Variants in TAFA2 observed in about 807,000 individuals in gnomAD.
The protein encoded by TAFA2 is chemokine-like protein TAFA-2.
In TAFA2, 7 loss-of-function variants were observed where a neutral mutation model predicts 18.8. The observed-to-expected ratio is 0.37, with a 90% CI of 0.21 to 0.70. The LOEUF (loss-of-function observed/expected upper bound fraction) is 0.70. Among genes scored for constraint, TAFA2 ranks in the 30% least tolerant of loss-of-function variants. TAFA2 has a pLI of 0.53. For missense variants in TAFA2, 122 were observed against 158.1 expected (o/e 0.77, Z 1.23); for synonymous variants, 60 against 54.2 (o/e 1.11, Z -0.47).
chr12:61,920,726 C>A (rs1049386956), intron 1 of TAFA2, among the ~76,000 whole-genome samples: 1 of 151,798 alleles, frequency 6.6e-6, no homozygotes, highest in Non-Finnish European at 1.5e-5. Context: ...GATCCCTAGC[C>A]AAACAACCTA....
At chr12:62,206,399 A>G (rs2062691769) in intron 1 of TAFA2, among the ~76,000 whole-genome samples, 1 of 152,204 alleles carries the variant, frequency 6.6e-6, no homozygotes, top group Non-Finnish European at 1.5e-5. Context: ...TTCTTTTTCT[A>G]AGAAGTACAA....
Position 61,954,525 on chromosome 12 carries a change from C to T in TAFA2, c.-1-87099G>A, listed in dbSNP as rs1239839011. Among the ~76,000 whole-genome samples the T allele has an allele frequency of 3.3e-5, 5 of 151,986 alleles. No individual in the cohort carries two copies. The East Asian group carries it at 7.7e-4, about 23-fold the overall frequency. On this transcript the variant is annotated intron_variant, in intron 1 of 4. Coordinates refer to ENST00000416284, the MANE Select transcript of TAFA2 (RefSeq NM_178539.5). ...AATATTTTTCTTACCTGTGTAGTTA[C>T]TAATTAAAACACAAAACACACACAC...
rs114529852 is a variant in TAFA2, at chr12:62,255,532, A to G, written c.-130+3231T>C. 2.2e-3 allele frequency among the ~76,000 whole-genome samples: 329 copies of G among 152,334 alleles called. 2 individuals are homozygous for G. Among genetic ancestry groups the G allele is most frequent in the African/African-American group, 7.8e-3 (325 of 41,574 alleles). ...TTTATTATAATTATAGACCTGTTAGATACTTGATTTGCTTATCAATTCAAA... is the reference window on the plus strand; with the variant it reads ...TTTATTATAATTATAGACCTGTTAGGTACTTGATTTGCTTATCAATTCAAA... On this transcript the variant is annotated intron_variant, in intron 1 of 5. Coordinates refer to the TAFA2 transcript ENST00000551619.
At chr12:61,742,976 C>G (rs1868525927) in intron 4 of TAFA2, among the ~76,000 whole-genome samples, 1 of 151,934 alleles carries the variant, frequency 6.6e-6, no homozygotes, top group Admixed American at 6.6e-5. Flanking sequence ...AGACCCTTCT[C>G]CTCTCCTGCT....
intron 1 of TAFA2, among the ~76,000 whole-genome samples, chr12:62,231,258 C>G (rs2062810844): frequency 6.6e-6 from 1 of 152,090 alleles, no homozygotes; most frequent in Admixed American, 6.5e-5. Context: ...AATGTTTGCT[C>G]TATATTGTTT....
chr12:61,907,040 G>T (rs1339056691), intron 1 of TAFA2, among the ~76,000 whole-genome samples: 2 of 152,164 alleles, frequency 1.3e-5, no homozygotes, highest in African/African-American at 4.8e-5. Flanking sequence ...GTTTAAAAGG[G>T]ACGCAGAGCA....
chr12:62,121,086 T>G (rs1221387712), intron 1 of TAFA2, among the ~76,000 whole-genome samples: 1 of 152,006 alleles, frequency 6.6e-6, no homozygotes, highest in Non-Finnish European at 1.5e-5. Flanking sequence ...ACTCCTGACC[T>G]CCGGTGATCT....
intron 1 of TAFA2, among the ~76,000 whole-genome samples, chr12:61,876,089 ATT>A (rs1874832708): frequency 6.6e-6 from 1 of 152,146 alleles, no homozygotes; most frequent in Non-Finnish European, 1.5e-5. Context: ...ATAATAAAAC[ATT>A]TTCTTTCTTT....
chr12:61,884,590 G>A (rs934873189), intron 1 of TAFA2, among the ~76,000 whole-genome samples: 5 of 152,068 alleles, frequency 3.3e-5, no homozygotes, highest in Non-Finnish European at 5.9e-5. Flanking sequence ...AACTAGAGAT[G>A]CTAAATGGAA....
intron 4 of TAFA2, among the ~76,000 whole-genome samples, chr12:61,714,188 C>T (rs745619783): frequency 6.6e-5 from 10 of 152,008 alleles, no homozygotes; most frequent in Non-Finnish European, 1.2e-4. Flanking sequence ...GAGAAATGGC[C>T]CTATGATTGT....
At chr12:62,052,013 T>C (rs143169535) in intron 1 of TAFA2, among the ~76,000 whole-genome samples, 61 of 152,284 alleles carry the variant, frequency 4.0e-4, no homozygotes, top group Admixed American at 1.9e-3. Flanking sequence ...CATAAAACTT[T>C]AATTGCAAAA....
intron 1 of TAFA2, among the ~76,000 whole-genome samples, chr12:62,132,299 G>C (rs1393297746): frequency 6.8e-6 from 1 of 147,540 alleles, no homozygotes; most frequent in Admixed American, 6.8e-5. Context: ...ACAGTTAGCA[G>C]AAAAAAAAAA....
intron 1 of TAFA2, among the ~76,000 whole-genome samples, chr12:61,981,057 A>G (rs1198534613): frequency 6.6e-6 from 1 of 152,170 alleles, no homozygotes; most frequent in African/African-American, 2.4e-5. Flanking sequence ...ACTTCAAACT[A>G]CACTACAAGG....
At chr12:61,797,920 A>G (rs906821147) in intron 2 of TAFA2, among the ~76,000 whole-genome samples, 35 of 152,212 alleles carry the variant, frequency 2.3e-4, no homozygotes, top group African/African-American at 8.4e-4. Context: ...AGTAAGAAAT[A>G]CATTTTATAT....
At chr12:61,888,355 T>C (rs908182491) in intron 1 of TAFA2, among the ~76,000 whole-genome samples, 3 of 152,208 alleles carry the variant, frequency 2.0e-5, no homozygotes, top group Non-Finnish European at 4.4e-5. Context: ...GGAGGATCCA[T>C]GTTTCTGGCA....
rs1555186761 is a variant in TAFA2 at position 62,059,157 on chromosome 12, G to GTGTGTGTGTGTGTGTGTGTA, written c.-2+132101_-2+132102insTACACACACACACACACACA. Among the ~76,000 whole-genome samples the GTGTGTGTGTGTGTGTGTGTA allele has an allele frequency of 3.9e-4, 59 of 150,600 alleles. No individual in the cohort carries two copies. The Middle Eastern group carries it at 0.01, about 26-fold the overall frequency. ...TGTGTATATGTGTGTGTGTGTGTGT[G>GTGTGTGTGTGTGTGTGTGTA]TGTGTGTGTGTGTATCTGAGTGTTC... On this transcript the variant is annotated intron_variant, in intron 1 of 4. Transcript: ENST00000416284.
intron 1 of TAFA2, among the ~76,000 whole-genome samples, chr12:61,892,158 A>G (rs1322944976): frequency 6.6e-6 from 1 of 152,024 alleles, no homozygotes; most frequent in African/African-American, 2.4e-5. Flanking sequence ...GAACTTGGTC[A>G]GAGATTTGAT....
At chr12:61,805,669 T>G (rs1172053778) in intron 2 of TAFA2, among the ~76,000 whole-genome samples, 1 of 152,116 alleles carries the variant, frequency 6.6e-6, no homozygotes, top group Non-Finnish European at 1.5e-5. Context: ...ATTTCCAGAA[T>G]GAATATATAC....
chr12:61,791,643 G>A (rs1870984898), intron 2 of TAFA2, among the ~76,000 whole-genome samples: 2 of 151,708 alleles, frequency 1.3e-5, no homozygotes, highest in African/African-American at 4.8e-5. Flanking sequence ...AATCAACAGG[G>A]AAATGAAAAT....
Sources: gnomAD v4.1 joint callset for allele counts (sites outside exome capture counted in the v4.1 genomes callset) on GRCh38, gnomAD v4.1.1 for gene constraint, MANE v1.5 for transcripts, NCBI Gene and HGNC (gene_info 2026-07-23, HGNC 2026-07-21) for gene names.